CCDC40: variants seen among roughly 807,000 people sequenced by gnomAD.
CCDC40 encodes coiled-coil domain-containing protein 40.
A neutral mutation model predicts 124.5 loss-of-function variants in CCDC40; 104 were observed. The observed-to-expected ratio is 0.84, with a 90% CI of 0.71 to 0.98. The LOEUF (loss-of-function observed/expected upper bound fraction) is 0.98, where lower values mean the gene tolerates loss of function less well. Ranked by LOEUF, CCDC40 falls within the 50% of genes least tolerant of loss-of-function variation. The pLI, the probability that CCDC40 is intolerant of heterozygous loss-of-function variation, is 0.00. For synonymous variants in CCDC40, 580 were observed against 602.9 expected, an observed-to-expected ratio of 0.96 and a Z score of 0.56; for missense variants, 1,463 against 1,503.9, an observed-to-expected ratio of 0.97 and a Z score of 0.45.
chr17:80,073,937 C>T (rs1447045471), intron 10 of CCDC40, among the ~76,000 whole-genome samples: 2 of 152,038 alleles, frequency 1.3e-5, no homozygotes, highest in Non-Finnish European at 2.9e-5. Context: ...CTGCCTGCCT[C>T]GGCCTCCCAA....
rs776427468 is a variant in CCDC40 at position 80,087,777 on chromosome 17, G to A, written c.2619+1G>A. 6.2e-7 allele frequency: 1 copy of A among 1,613,926 alleles called. No homozygotes were observed. The highest frequency in any genetic ancestry group is 8.5e-7 in the Non-Finnish European group (1 of 1,179,900). ...GAATGAGTTCGTGCGCTCGCTGAAG[G>A]TCCGGCCGTGTCCACGCAGTCCCGG... is the stretch of plus-strand genomic sequence containing the variant. On this transcript the variant is annotated splice_donor_variant, in intron 15 of 19. Transcript: ENST00000397545. LOFTEE classifies it high-confidence loss of function. The surrounding 1 kb of genome is among the most constrained non-coding windows in gnomAD (Gnocchi z 4.5).
intron 7 of CCDC40, among the ~76,000 whole-genome samples, chr17:80,056,664 G>A (rs747715505): frequency 1.4e-4 from 21 of 151,932 alleles, no homozygotes; most frequent in Non-Finnish European, 2.5e-4. Flanking sequence ...TGATTTTAAA[G>A]TTCATTTAGA....
At position 80,089,844 on chromosome 17, in the gene CCDC40, C is replaced by A; in HGVS notation, c.2792C>A (p.Thr931Lys). 1 of 1,614,188 alleles carries A rather than the reference C, an allele frequency of 6.2e-7. No individual in the cohort carries two copies. The highest frequency in any genetic ancestry group is 8.5e-7 in the Non-Finnish European group (1 of 1,180,018). Residue 931 changes from threonine (T) to lysine (K), a missense_variant, in exon 17 of 20, where the codon ACG becomes AAG. Transcript: ENST00000397545. ...RSSVDSEIGQ[T>K]EIRAMKGEIH... is the part of the protein sequence containing the mutation. ...TCAGTGGATTCCGAGATCGGCCAGA[C>A]GGAGATCCGGGCCATGAAGGGCGAG...
chr17:80,097,401 C>T lies in CCDC40; in HGVS notation c.3178C>T (p.Gln1060Ter), dbSNP rs1377428647. The T allele has an allele frequency of 2.5e-6, 4 of 1,613,816 alleles. No individual in the cohort carries two copies. Among genetic ancestry groups the T allele is most frequent in the South Asian group, 1.1e-5 (1 of 91,092 alleles). Residue 1060 changes from glutamine (Q) to a stop codon, truncating the protein, a stop_gained and splice_region_variant, in exon 19 of 20, where the codon CAG becomes TAG. Transcript: ENST00000397545. LOFTEE classifies it low-confidence loss of function (END_TRUNC). ...CACCCGGCTTGGGGCCCTCAAACGA[C>T]AGGTAAACGTGTCCCAGGAGGTCCC... ...DLTRLGALKR[Q>*]NLSEIVALQT...
intron 10 of CCDC40, 39 bp from the exon 11 acceptor site, chr17:80,081,507 T>G: frequency 6.2e-7 from 1 of 1,612,858 alleles, no homozygotes; most frequent in Non-Finnish European, 8.5e-7. Flanking sequence ...CTCTCTGATG[T>G]CTCACACGTA....
At chr17:80,050,317 G>A (rs1339524534) in intron 7 of CCDC40, 34 bp downstream of exon 7, 17 of 1,510,860 alleles carry the variant, frequency 1.1e-5, no homozygotes, top group Non-Finnish European at 1.5e-5. Flanking sequence ...ACGCCATCCG[G>A]TCCTGGAGGG....
chr17:80,092,764 C>T (rs1219683270), intron 17 of CCDC40, among the ~76,000 whole-genome samples: 2 of 152,180 alleles, frequency 1.3e-5, no homozygotes, highest in East Asian at 1.9e-4. Flanking sequence ...GCACACACCA[C>T]GGCACCCACC....
chr17:80,086,206 A>G lies in CCDC40; in HGVS notation c.2439A>G (p.Leu813=), dbSNP rs2038584999. 6.2e-7 allele frequency: 1 copy of G among 1,606,928 alleles called. No individual in the cohort carries two copies. The highest frequency in any genetic ancestry group is 8.5e-7 in the Non-Finnish European group (1 of 1,176,790). The change falls in exon 14 of 20, where the codon CTA becomes CTG. Residue 813 remains leucine (L), a synonymous_variant. Coordinates refer to ENST00000397545, the MANE Select transcript of CCDC40 (RefSeq NM_017950.4). This position sits in a 1 kb window ranked among gnomAD's most constrained non-coding sequence, Gnocchi z 5.5. ...KELHIMEQKK[L]RVESKIEQEK... ...TCCACATCATGGAGCAGAAGAAACT[A>G]CGAGTAGAAAGTAAGAGCCGCCGTG... is the stretch of plus-strand genomic sequence containing the variant.
rs72849356 is a variant in CCDC40, at chr17:80,086,675, T to C, written c.2449+459T>C. On this transcript the variant is annotated intron_variant, in intron 14 of 19. Transcript: ENST00000397545. This position sits in a 1 kb window ranked among gnomAD's most constrained non-coding sequence, Gnocchi z 5.5. ...GGGGCTGCCAAAGCACCAGGGTGCCTGGAATGATGGAGGCGGGCATCCTTC... is the reference window on the plus strand; with the variant it reads ...GGGGCTGCCAAAGCACCAGGGTGCCCGGAATGATGGAGGCGGGCATCCTTC... 9,857 of 236,146 alleles carry C rather than the reference T, an allele frequency of 0.042. 243 individuals carry two copies. Among genetic ancestry groups the C allele is most frequent in the Middle Eastern group, 0.056 (32 of 570 alleles). The allele number at this position is 236,146 out of a possible 1,614,324, so 14.6% of individuals were successfully genotyped here. A position where few individuals can be genotyped will look rare whatever the true frequency, so the allele number is the denominator to read the frequency against.
At chr17:80,080,295 C>T (rs752912041) in intron 10 of CCDC40, among the ~76,000 whole-genome samples, 7 of 152,134 alleles carry the variant, frequency 4.6e-5, no homozygotes, top group Non-Finnish European at 7.3e-5. Context: ...AAATTCAAAT[C>T]CTCATGCTGA....
At position 80,058,841 on chromosome 17, in the gene CCDC40, C is replaced by T. The variant is rs1246753001; in HGVS notation, c.1318-17C>T. 1.2e-6 allele frequency: 2 copies of T among 1,613,998 alleles called. No homozygotes were observed. Among genetic ancestry groups the T allele is most frequent in the African/African-American group, 1.3e-5 (1 of 74,910 alleles). Reference sequence around the variant, plus strand: ...CGGGCACCTCCTGACGGGGCTGCTTCTCATCCTGTTTCCCAGGACCTGTAT... The same window carrying T: ...CGGGCACCTCCTGACGGGGCTGCTTTTCATCCTGTTTCCCAGGACCTGTAT... On this transcript the variant is annotated splice_polypyrimidine_tract_variant and intron_variant, in intron 8 of 19. Transcript: ENST00000397545. This position sits in a 1 kb window ranked among gnomAD's most constrained non-coding sequence, Gnocchi z 4.2.
At chr17:80,064,590 G>A (rs1051680995) in intron 9 of CCDC40, among the ~76,000 whole-genome samples, 2 of 152,092 alleles carry the variant, frequency 1.3e-5, no homozygotes, top group Non-Finnish European at 2.9e-5. Flanking sequence ...CCAGGCAGCC[G>A]TACCAGCCTT....
chr17:80,053,999 A>G (rs944613982), intron 7 of CCDC40, among the ~76,000 whole-genome samples: 5 of 152,376 alleles, frequency 3.3e-5, no homozygotes, highest in Admixed American at 2.6e-4. Flanking sequence ...GACAGAGTTT[A>G]TTTACATTTC....
At chr17:80,069,388 C>T (rs549127997) in intron 10 of CCDC40, among the ~76,000 whole-genome samples, 72 of 152,272 alleles carry the variant, frequency 4.7e-4, no homozygotes, top group African/African-American at 1.7e-3. Context: ...GTTTTGCACA[C>T]GGTCATAAAA....
chr17:80,091,479 T>C (rs953845875), intron 17 of CCDC40, among the ~76,000 whole-genome samples: 1 of 152,150 alleles, frequency 6.6e-6, no homozygotes, highest in African/African-American at 2.4e-5. Flanking sequence ...GTCTAAGACC[T>C]GAGAAGGAGG....
At chr17:80,077,865 A>C (rs917851884) in intron 10 of CCDC40, among the ~76,000 whole-genome samples, 2 of 152,210 alleles carry the variant, frequency 1.3e-5, no homozygotes, top group Admixed American at 6.5e-5. Flanking sequence ...TTCTGGAGAC[A>C]TCTTTTATCA....
intron 10 of CCDC40, among the ~76,000 whole-genome samples, chr17:80,071,279 C>T (rs1301617289): frequency 6.6e-6 from 1 of 152,232 alleles, no homozygotes; most frequent in African/African-American, 2.4e-5. Flanking sequence ...GCAGACAGGT[C>T]TTGGCCCGCA....
chr17:80,039,829 G>A lies in CCDC40; in HGVS notation c.111G>A (p.Lys37=), dbSNP rs2037226840. The A allele has an allele frequency of 1.2e-6, 2 of 1,613,792 alleles. No individual in the cohort carries two copies. The highest frequency in any genetic ancestry group is 1.1e-5 in the South Asian group (1 of 91,076). ...CTTTACAGGTGTCACCACCAGAGAA[G>A]GATGATGGCCAGAAAGGTGAAGAAG... ...NESHMVSPPE[K]DDGQKGEEAV... Residue 37 remains lysine (K), a synonymous_variant, in exon 3 of 20, where the codon AAG becomes AAA. Transcript: ENST00000397545.
At chr17:80,042,943 T>G (rs1402035271) in intron 3 of CCDC40, among the ~76,000 whole-genome samples, 2 of 152,118 alleles carry the variant, frequency 1.3e-5, no homozygotes, top group Non-Finnish European at 2.9e-5. Context: ...GTATTTTCCT[T>G]TTTAGTTAGT....
Sources: gnomAD v4.1 joint callset for allele counts (sites outside exome capture counted in the v4.1 genomes callset) on GRCh38, gnomAD v4.1.1 for gene constraint, Gnocchi (gnomAD v3.1) non-coding constraint, MANE v1.5 for transcripts, NCBI Gene and HGNC (gene_info 2026-07-23, HGNC 2026-07-21) for gene names.